GPC6: variants seen among roughly 807,000 people sequenced by gnomAD.
GPC6 encodes the protein glypican-6.
In GPC6, 14 loss-of-function variants were observed where a neutral mutation model predicts 55.2. The ratio of observed to expected loss-of-function variants is 0.25; its 90% CI spans 0.17 to 0.40. GPC6 has a LOEUF of 0.40. GPC6 is among the 10% of genes least tolerant of loss of function. The pLI is 1.00. For synonymous variants in GPC6, 278 were observed against 259.6 expected (o/e 1.07, Z -0.68); for missense variants, 641 against 708.5 (o/e 0.90, Z 1.08).
intron 1 of GPC6, among the ~76,000 whole-genome samples, chr13:93,426,068 T>G (rs1017859074): frequency 2.6e-5 from 4 of 152,192 alleles, no homozygotes; most frequent in African/African-American, 9.7e-5. Context: ...CCCATTGTAC[T>G]GATATATAAT....
chr13:93,438,600 C>A (rs1877660781), intron 1 of GPC6, among the ~76,000 whole-genome samples: 1 of 152,134 alleles, frequency 6.6e-6, no homozygotes, highest in Non-Finnish European at 1.5e-5. Flanking sequence ...TTCCTGCAAT[C>A]TCATGATAAA....
At chr13:93,724,746 T>G (rs1392913152) in intron 2 of GPC6, among the ~76,000 whole-genome samples, 1 of 152,010 alleles carries the variant, frequency 6.6e-6, no homozygotes, top group Non-Finnish European at 1.5e-5. Flanking sequence ...CTTACTGAGA[T>G]TTATTTACCT....
At chr13:94,090,069 G>T (rs1435613519) in intron 4 of GPC6, among the ~76,000 whole-genome samples, 1 of 47,790 alleles carries the variant, frequency 2.1e-5, no homozygotes, top group African/African-American at 7.8e-5. Flanking sequence ...ACCCAAGACT[G>T]GGTAATTTAT....
intron 2 of GPC6, among the ~76,000 whole-genome samples, chr13:93,705,726 C>G (rs1335458892): frequency 6.6e-6 from 1 of 151,766 alleles, no homozygotes; most frequent in Non-Finnish European, 1.5e-5. Flanking sequence ...TCCCAATCCT[C>G]TGGCCAAGTC....
chr13:94,223,122 T>A (rs1890436948), intron 4 of GPC6, among the ~76,000 whole-genome samples: 1 of 152,128 alleles, frequency 6.6e-6, no homozygotes, highest in African/African-American at 2.4e-5. Context: ...CTACATAAAG[T>A]GTTTTTTAAT....
chr13:94,203,752 C>A (rs1566539565), intron 4 of GPC6, among the ~76,000 whole-genome samples: 1 of 152,102 alleles, frequency 6.6e-6, no homozygotes, highest in Admixed American at 6.6e-5. Context: ...ACTATTAAAT[C>A]TGTACGTTTC....
chr13:94,154,056 A>G (rs1252577271), intron 4 of GPC6: 2 of 152,210 alleles, frequency 1.3e-5, no homozygotes, highest in East Asian at 3.8e-4. Flanking sequence ...TTGAATATAA[A>G]TAACACAAAT....
chr13:93,746,922 G>A (rs1566515162), intron 2 of GPC6, among the ~76,000 whole-genome samples: 3 of 152,154 alleles, frequency 2.0e-5, no homozygotes, highest in Non-Finnish European at 2.9e-5. Context: ...GAAGCCTTAC[G>A]GCAATTCATG....
chr13:94,006,342 G>T (rs567960995), intron 3 of GPC6, among the ~76,000 whole-genome samples: 1 of 152,154 alleles, frequency 6.6e-6, no homozygotes, highest in African/African-American at 2.4e-5. Flanking sequence ...CTTAAAGACA[G>T]AACCGTGGCC....
intron 3 of GPC6, among the ~76,000 whole-genome samples, chr13:93,953,054 A>T (rs1022417029): frequency 6.6e-6 from 1 of 151,630 alleles, no homozygotes; most frequent in Non-Finnish European, 1.5e-5. Flanking sequence ...CATCTTGCCC[A>T]TGCTTAGATG....
At chr13:94,185,842 C>T (rs949848722) in intron 4 of GPC6, among the ~76,000 whole-genome samples, 1 of 151,758 alleles carries the variant, frequency 6.6e-6, no homozygotes, top group African/African-American at 2.4e-5. Context: ...GGGCGGATCA[C>T]GAGGTCAGGA....
chr13:94,192,261 C>A (rs1338718141), intron 4 of GPC6, among the ~76,000 whole-genome samples: 1 of 152,150 alleles, frequency 6.6e-6, no homozygotes, highest in Non-Finnish European at 1.5e-5. Context: ...CAGCAAATAA[C>A]AGAACAATCT....
intron 1 of GPC6, among the ~76,000 whole-genome samples, chr13:93,507,858 C>T (rs540965624): frequency 3.0e-4 from 46 of 151,828 alleles, no homozygotes; most frequent in African/African-American, 1.1e-3. Flanking sequence ...CTACCAACTA[C>T]TGTGCTTACC....
intron 1 of GPC6, among the ~76,000 whole-genome samples, chr13:93,377,527 T>A (rs1874960340): frequency 6.6e-6 from 1 of 152,184 alleles, no homozygotes; most frequent in African/African-American, 2.4e-5. Flanking sequence ...GACGTTGGTC[T>A]TGTTTGAAAA....
At chr13:93,535,595 C>T (rs750284559) in intron 1 of GPC6, among the ~76,000 whole-genome samples, 13 of 150,848 alleles carry the variant, frequency 8.6e-5, no homozygotes, top group Non-Finnish European at 1.5e-4. Flanking sequence ...AAGAGTCTTA[C>T]GATATGTTTT....
At chr13:93,897,041 G>T (rs1180612256) in intron 3 of GPC6, among the ~76,000 whole-genome samples, 1 of 149,016 alleles carries the variant, frequency 6.7e-6, no homozygotes, top group Non-Finnish European at 1.5e-5. Context: ...TCAAGTATTA[G>T]CTATGTGTGT....
At chr13:94,287,632 C>G (rs1892566765) in intron 5 of GPC6, among the ~76,000 whole-genome samples, 1 of 152,070 alleles carries the variant, frequency 6.6e-6, no homozygotes, top group South Asian at 2.1e-4. Flanking sequence ...TTTTAATGAG[C>G]TCAGTGTAGC....
intron 4 of GPC6, among the ~76,000 whole-genome samples, chr13:94,210,035 A>G (rs1377538823): frequency 6.6e-6 from 1 of 151,682 alleles, no homozygotes; most frequent in Non-Finnish European, 1.5e-5. Context: ...TTTTTTAGAG[A>G]TTGGATCTTG....
chr13:93,450,710 CT>C, intron 1 of GPC6: 1 of 973,532 alleles, frequency 1.0e-6, no homozygotes, highest in Non-Finnish European at 1.2e-6. Flanking sequence ...ACACTTCCCA[CT>C]TTTTAGTGGC....
Sources: gnomAD v4.1 joint callset for allele counts (sites outside exome capture counted in the v4.1 genomes callset) on GRCh38, gnomAD v4.1.1 for gene constraint, MANE v1.5 for transcripts, NCBI Gene and HGNC (gene_info 2026-07-23, HGNC 2026-07-21) for gene names.